Variants in PLEKHA6 observed in about 807,000 individuals in gnomAD.
PLEKHA6 encodes pleckstrin homology domain containing A6.
A neutral mutation model predicts 116.7 loss-of-function variants in PLEKHA6; 60 were observed. The ratio of observed to expected loss-of-function variants is 0.51; its 90% CI spans 0.42 to 0.64. PLEKHA6 has a LOEUF of 0.64. Ranked by LOEUF, PLEKHA6 falls within the 30% of genes least tolerant of loss-of-function variation. The probability of loss-of-function intolerance (pLI) is 0.00; values close to 1 mark genes in which losing one functional copy is unlikely to be tolerated. For synonymous variants in PLEKHA6, 489 were observed against 556.1 expected, an observed-to-expected ratio of 0.88 and a Z score of 1.70; for missense variants, 1,338 against 1,422.7, an observed-to-expected ratio of 0.94 and a Z score of 0.96.
intron 1 of PLEKHA6, among the ~76,000 whole-genome samples, chr1:204,275,522 G>A (rs1425700466): frequency 2.0e-5 from 3 of 152,112 alleles, no homozygotes; most frequent in Admixed American, 6.5e-5. Flanking sequence ...GCAGAAGGGA[G>A]CAGGAACCCA....
At chr1:204,269,095 C>A (rs1027789837) in intron 3 of PLEKHA6, among the ~76,000 whole-genome samples, 3 of 151,952 alleles carry the variant, frequency 2.0e-5, no homozygotes, top group Non-Finnish European at 1.5e-5. Context: ...CTTCTCAGCA[C>A]CCCAAGCCCC....
intron 3 of PLEKHA6, among the ~76,000 whole-genome samples, chr1:204,268,862 C>T (rs755331404): frequency 6.6e-6 from 1 of 152,176 alleles, no homozygotes; most frequent in African/African-American, 2.4e-5. Context: ...GCCTGATCTC[C>T]CACTGTTTAA....
Position 204,274,714 on chromosome 1 carries a change from AG to A in PLEKHA6, c.-14+14del. 2 of 985,888 alleles carry A rather than the reference AG, an allele frequency of 2.0e-6. No homozygotes were observed. The highest frequency in any genetic ancestry group is 2.4e-6 in the Non-Finnish European group (2 of 829,942). The allele number at this position is 985,888 out of a possible 1,614,324, so 61.1% of individuals were successfully genotyped here. ...AGGGCAGAAAGCCCAAACAGCAAGT[AG>A]GGGACACACTTACATTTTCAAGTCA... On this transcript the variant is annotated intron_variant, in intron 2 of 22. Transcript: ENST00000272203.
chr1:204,268,118 A>G, intron 4 of PLEKHA6, 90 bp downstream of exon 4: 1 of 789,530 alleles, frequency 1.3e-6, no homozygotes, highest in Non-Finnish European at 2.0e-6. Context: ...ATACCAAAAA[A>G]ATACACAGCC....
intron 17 of PLEKHA6, among the ~76,000 whole-genome samples, chr1:204,239,832 C>T (rs7541283): frequency 0.52 from 78,615 of 151,906 alleles, 20,991 homozygotes; most frequent in African/African-American, 0.66. Flanking sequence ...CCAGGATTTA[C>T]GGGTCCAGGA....
chr1:204,354,359 C>T (rs1673362174), intron 1 of PLEKHA6, among the ~76,000 whole-genome samples: 1 of 152,170 alleles, frequency 6.6e-6, no homozygotes, highest in African/African-American at 2.4e-5. Context: ...GAGGACCAAT[C>T]CTTTACAGAG....
intron 1 of PLEKHA6, among the ~76,000 whole-genome samples, chr1:204,335,289 C>T (rs977733474): frequency 6.6e-6 from 1 of 152,060 alleles, no homozygotes; most frequent in Non-Finnish European, 1.5e-5. Context: ...ATGGCTCAGG[C>T]AGCTGGGCAG....
intron 14 of PLEKHA6, among the ~76,000 whole-genome samples, chr1:204,245,273 G>A (rs1034537755): frequency 2.0e-5 from 3 of 152,062 alleles, no homozygotes; most frequent in Non-Finnish European, 1.5e-5. Flanking sequence ...CCAGTCTGAG[G>A]TCCCAGGGCT....
At chr1:204,376,360 T>C (rs1474090653) in intron 1 of PLEKHA6, among the ~76,000 whole-genome samples, 2 of 152,236 alleles carry the variant, frequency 1.3e-5, no homozygotes, top group East Asian at 3.8e-4. Context: ...GTTCCTTGGG[T>C]GATTCTTATA....
At chr1:204,274,482 A>T in intron 2 of PLEKHA6, 2 of 389,248 alleles carry the variant, frequency 5.1e-6, no homozygotes, top group Non-Finnish European at 7.0e-6. Context: ...CCTGTCTTCT[A>T]CTCCATCAGC....
At chr1:204,362,850 C>T (rs1050854072), upstream of PLEKHA6, among the ~76,000 whole-genome samples, 2 of 152,176 alleles carry the variant, frequency 1.3e-5, no homozygotes, top group East Asian at 1.9e-4. Context: ...GCCTGGCTAA[C>T]GATAACCTGT....
At chr1:204,292,430 G>A (rs1422532812) in intron 1 of PLEKHA6, among the ~76,000 whole-genome samples, 1 of 152,174 alleles carries the variant, frequency 6.6e-6, no homozygotes, top group African/African-American at 2.4e-5. Flanking sequence ...AGGGCCACAA[G>A]GAGCTGCCCC....
At chr1:204,249,290 A>G (rs764822029) in intron 10 of PLEKHA6, 26 bp from the exon 11 acceptor site, 2 of 1,506,444 alleles carry the variant, frequency 1.3e-6, no homozygotes, top group South Asian at 1.1e-5. Flanking sequence ...GTGGAGAAGG[A>G]GAGGGAGAAA....
intron 1 of PLEKHA6, 77 bp from the exon 2 acceptor site, chr1:204,274,886 G>GTGTCACA: frequency 3.0e-6 from 3 of 985,614 alleles, no homozygotes; most frequent in Non-Finnish European, 3.6e-6. Flanking sequence ...GACAGACCCT[G>GTGTCACA]GGTGGTGACA....
intron 1 of PLEKHA6, among the ~76,000 whole-genome samples, chr1:204,340,786 G>A (rs1672817973): frequency 6.6e-6 from 1 of 152,220 alleles, no homozygotes; most frequent in South Asian, 2.1e-4. Flanking sequence ...AGAGTTATGG[G>A]AGGAAAGAAA....
rs567008912 is a variant in PLEKHA6, at chr1:204,228,600, T to G, written c.2885+128A>C. ...CTGCCGGTAGCTGGGCCCTGTCTGC[T>G]GCCTGGAGTCACCACCTCGATGTGC... On this transcript the variant is annotated intron_variant, in intron 20 of 22. Coordinates refer to ENST00000272203, the MANE Select transcript of PLEKHA6 (RefSeq NM_014935.5). This position sits in a 1 kb window ranked among gnomAD's most constrained non-coding sequence, Gnocchi z 4.0. The G allele has an allele frequency of 8.4e-6, 7 of 836,640 alleles. No individual in the cohort carries two copies. In the Admixed American group the frequency reaches 1.5e-4, roughly 18 times the overall value. The allele number at this position is 836,640 out of a possible 1,614,324, so 51.8% of individuals were successfully genotyped here.
Position 204,261,286 on chromosome 1 carries a change from C to T in PLEKHA6, c.524+20G>A. The T allele has an allele frequency of 1.2e-6, 2 of 1,614,068 alleles. No individual in the cohort carries two copies. The highest frequency in any genetic ancestry group is 1.7e-6 in the Non-Finnish European group (2 of 1,179,912). ...TCTTTATTCTTCCTGCACCCCCACA[C>T]TCAATTCCCTGGCACTCACCTGTGC... On this transcript the variant is annotated intron_variant, in intron 7 of 22. Coordinates refer to ENST00000272203, the MANE Select transcript of PLEKHA6 (RefSeq NM_014935.5). The surrounding 1 kb of genome is among the most constrained non-coding windows in gnomAD (Gnocchi z 4.0).
intron 1 of PLEKHA6, among the ~76,000 whole-genome samples, chr1:204,354,146 A>G (rs4951367): frequency 0.64 from 97,208 of 152,104 alleles, 34,605 homozygotes; most frequent in East Asian, 0.83. Context: ...GGGGGGACAC[A>G]ATGATGTCAG....
chr1:204,258,879 G>A (rs772410177), intron 8 of PLEKHA6, among the ~76,000 whole-genome samples: 1 of 152,202 alleles, frequency 6.6e-6, no homozygotes, highest in Non-Finnish European at 1.5e-5. Flanking sequence ...AGTGGGTGGA[G>A]CACTGGGGAG....
Sources: gnomAD v4.1 joint callset for allele counts (sites outside exome capture counted in the v4.1 genomes callset) on GRCh38, gnomAD v4.1.1 for gene constraint, Gnocchi (gnomAD v3.1) non-coding constraint, MANE v1.5 for transcripts, NCBI Gene and HGNC (gene_info 2026-07-23, HGNC 2026-07-21) for gene names.